TTC23: variants seen among roughly 807,000 people sequenced by gnomAD.
The protein encoded by TTC23 is tetratricopeptide repeat protein 23.
A neutral mutation model predicts 55.1 loss-of-function variants in TTC23; 58 were observed. That is an observed-to-expected ratio of 1.05 (90% CI 0.85 to 1.31). The LOEUF (loss-of-function observed/expected upper bound fraction) is 1.31, where lower values mean the gene tolerates loss of function less well. Among genes scored for constraint, TTC23 ranks in the 50% most tolerant of loss-of-function variants. TTC23 has a pLI of 0.00. For missense variants in TTC23, 516 were observed against 534.4 expected, an observed-to-expected ratio of 0.97 and a Z score of 0.34; for synonymous variants, 203 against 199.9, an observed-to-expected ratio of 1.02 and a Z score of -0.13.
intron 4 of TTC23, among the ~76,000 whole-genome samples, chr15:99,231,176 T>A (rs1441299807): frequency 6.6e-6 from 1 of 152,264 alleles, no homozygotes; most frequent in African/African-American, 2.4e-5. Flanking sequence ...TACAATTATG[T>A]ACAGTACACA....
Position 99,156,237 on chromosome 15 carries a change from T to A in TTC23, c.1054A>T (p.Ser352Cys). Residue 352 changes from serine to cysteine, a missense_variant, in exon 12 of 14, where the codon AGT (serine) becomes TGT (cysteine). By Grantham distance (112) the Ser-to-Cys change is moderately radical. Coordinates refer to ENST00000394132, the MANE Select transcript of TTC23 (RefSeq NM_001288615.3). The part of the protein sequence containing the change: ...EAKVEAFGDF[S>C]PEVAETYRLL... ...CGGTATGTCTCTGCCACCTCGGGACTGAAATCGCCAAATGCTTCCACTTTG... is the reference window on the plus strand; with the variant it reads ...CGGTATGTCTCTGCCACCTCGGGACAGAAATCGCCAAATGCTTCCACTTTG... The A allele has an allele frequency of 6.2e-7, 1 of 1,614,256 alleles. No homozygotes were observed. The highest frequency in any genetic ancestry group is 8.5e-7 in the Non-Finnish European group (1 of 1,180,042).
At chr15:99,196,956 G>A (rs1002275481) in intron 9 of TTC23, among the ~76,000 whole-genome samples, 29 of 152,148 alleles carry the variant, frequency 1.9e-4, no homozygotes, top group Non-Finnish European at 3.4e-4. Context: ...TGTGTCAAGC[G>A]TTTAACCTTC....
intron 12 of TTC23, among the ~76,000 whole-genome samples, chr15:99,152,167 T>G (rs2069860655): frequency 6.6e-6 from 1 of 152,182 alleles, no homozygotes; most frequent in Non-Finnish European, 1.5e-5. Context: ...TTTAAAAGTA[T>G]GTGGCACTTC....
At chr15:99,240,077 C>G (rs1196649428) in intron 3 of TTC23, among the ~76,000 whole-genome samples, 3 of 152,094 alleles carry the variant, frequency 2.0e-5, no homozygotes, top group Non-Finnish European at 4.4e-5. Flanking sequence ...GAAACCTAAG[C>G]CTGCATTTTA....
chr15:99,182,099 T>A (rs1426986692), intron 9 of TTC23, among the ~76,000 whole-genome samples: 1 of 152,196 alleles, frequency 6.6e-6, no homozygotes, highest in Non-Finnish European at 1.5e-5. Flanking sequence ...TAAAAAATCT[T>A]AAGTGGTGGA....
chr15:99,161,336 A>G (rs1301333069), intron 11 of TTC23, among the ~76,000 whole-genome samples: 1 of 152,156 alleles, frequency 6.6e-6, no homozygotes, highest in Non-Finnish European at 1.5e-5. Context: ...TGTACGAATC[A>G]ATACTAAACA....
At chr15:99,167,829 A>T (rs1295413385) in intron 10 of TTC23, among the ~76,000 whole-genome samples, 2 of 152,188 alleles carry the variant, frequency 1.3e-5, no homozygotes, top group Non-Finnish European at 2.9e-5. Flanking sequence ...CAATGTGACG[A>T]TTGTCTTTTG....
At chr15:99,156,396 C>T (rs538018775) in intron 11 of TTC23, 99 bp from the exon 12 acceptor site, 30 of 1,392,272 alleles carry the variant, frequency 2.2e-5, no homozygotes, top group African/African-American at 1.0e-4. Flanking sequence ...GGTAGTCTCA[C>T]GAGCTGAGCC....
chr15:99,153,745 C>A (rs532563545), intron 12 of TTC23, among the ~76,000 whole-genome samples: 1 of 151,696 alleles, frequency 6.6e-6, no homozygotes, highest in Non-Finnish European at 1.5e-5. Flanking sequence ...GGTACAAGGA[C>A]AGAAATAATA....
intron 4 of TTC23, among the ~76,000 whole-genome samples, chr15:99,233,868 T>C (rs1197379611): frequency 2.0e-5 from 3 of 152,148 alleles, no homozygotes; most frequent in African/African-American, 7.2e-5. Flanking sequence ...AGTCCAGAAA[T>C]GGACCCACAC....
At chr15:99,213,631 A>T (rs1379686543) in intron 8 of TTC23, among the ~76,000 whole-genome samples, 2 of 152,190 alleles carry the variant, frequency 1.3e-5, no homozygotes, top group Non-Finnish European at 2.9e-5. Flanking sequence ...GTCACTAACA[A>T]CCTTCTTCCT....
At chr15:99,229,431 A>G (rs956328061) in intron 4 of TTC23, among the ~76,000 whole-genome samples, 2 of 152,220 alleles carry the variant, frequency 1.3e-5, no homozygotes, top group Non-Finnish European at 2.9e-5. Context: ...TGGAAAAAAT[A>G]AATCACCCCA....
intron 4 of TTC23, among the ~76,000 whole-genome samples, chr15:99,230,944 C>A (rs536434268): frequency 2.6e-5 from 4 of 152,342 alleles, no homozygotes; most frequent in African/African-American, 7.2e-5. Context: ...ATGTGTAAGG[C>A]TGCTTCCATA....
chr15:99,151,706 C>T (rs1418652244), intron 12 of TTC23, among the ~76,000 whole-genome samples: 2 of 152,230 alleles, frequency 1.3e-5, no homozygotes, highest in Middle Eastern at 3.2e-3. Context: ...TTGGCATTCT[C>T]CCCACTGTGC....
At chr15:99,163,640 A>G (rs1488940943) in intron 10 of TTC23, among the ~76,000 whole-genome samples, 2 of 152,230 alleles carry the variant, frequency 1.3e-5, no homozygotes, top group Non-Finnish European at 2.9e-5. Context: ...ATGTGTTGAA[A>G]TCTAACCCCC....
intron 11 of TTC23, chr15:99,158,922 G>A (rs534658368): frequency 6.6e-6 from 1 of 152,518 alleles, no homozygotes; most frequent in Non-Finnish European, 1.5e-5. Flanking sequence ...GGCAGGTGGT[G>A]CCACACACAA....
intron 5 of TTC23, among the ~76,000 whole-genome samples, chr15:99,225,684 GT>G (rs1487652306): frequency 6.6e-6 from 1 of 152,202 alleles, no homozygotes; most frequent in African/African-American, 2.4e-5. Context: ...ACAAACAAAT[GT>G]TGAAATAATG....
intron 13 of TTC23, among the ~76,000 whole-genome samples, chr15:99,138,605 G>A (rs1555488375): frequency 6.6e-5 from 10 of 152,298 alleles, no homozygotes; most frequent in African/African-American, 9.6e-5. Flanking sequence ...GAGTCACCTC[G>A]CCTGGCCCCT....
chr15:99,184,561 G>T (rs1161562854), intron 9 of TTC23, among the ~76,000 whole-genome samples: 1 of 152,160 alleles, frequency 6.6e-6, no homozygotes, highest in Non-Finnish European at 1.5e-5. Flanking sequence ...TTTTGTTTTG[G>T]CCAATTTCTC....
Sources: gnomAD v4.1 joint callset for allele counts (sites outside exome capture counted in the v4.1 genomes callset) on GRCh38, gnomAD v4.1.1 for gene constraint, MANE v1.5 for transcripts, NCBI Gene and HGNC (gene_info 2026-07-23, HGNC 2026-07-21) for gene names.